The following ERMARD variants were observed in gnomAD, a reference collection of about 807,000 sequenced individuals.
ERMARD encodes the protein endoplasmic reticulum membrane-associated RNA degradation protein.
ERMARD carries 71 observed loss-of-function variants against 83.9 expected under a neutral mutation model. The ratio of observed to expected loss-of-function variants is 0.85; its 90% CI spans 0.70 to 1.03. ERMARD has a LOEUF of 1.03. Among genes scored for constraint, ERMARD ranks in the 50% least tolerant of loss-of-function variants. ERMARD has a pLI of 0.00. For synonymous variants in ERMARD, 284 were observed against 298.6 expected (o/e 0.95, Z 0.50); for missense variants, 838 against 810.9 (o/e 1.03, Z -0.41).
chr6:169,781,579 A>G lies in ERMARD; in HGVS notation c.*66A>G, dbSNP rs1794203479. On this transcript the variant is annotated 3_prime_UTR_variant, in exon 18 of 18. Coordinates refer to ENST00000366773, the MANE Select transcript of ERMARD (RefSeq NM_018341.3). ...AACAGCGTGTAAATTAAAAACCCAAAGACAGGGTGGAGTTGAGGGTCTGCT... is the reference window on the plus strand; with the variant it reads ...AACAGCGTGTAAATTAAAAACCCAAGGACAGGGTGGAGTTGAGGGTCTGCT... 2 of 1,445,798 alleles carry G rather than the reference A, an allele frequency of 1.4e-6. No individual in the cohort carries two copies. The highest frequency in any genetic ancestry group is 2.8e-5 in the South Asian group (2 of 70,816). 89.6% of individuals were successfully genotyped at this position (1,445,798 alleles called of 1,614,324 possible).
At chr6:169,780,405 T>A (rs1794072668) in intron 17 of ERMARD, among the ~76,000 whole-genome samples, 2 of 152,244 alleles carry the variant, frequency 1.3e-5, no homozygotes, top group South Asian at 4.1e-4. Context: ...TCCTTTTAGC[T>A]TCTCTTTAAG....
chr6:169,752,385 G>A lies in ERMARD; in HGVS notation c.6+722G>A, dbSNP rs530851088. 2.0e-5 allele frequency among the ~76,000 whole-genome samples: 3 copies of A among 152,322 alleles called. No individual in the cohort carries two copies. The East Asian group carries it at 5.8e-4, about 29-fold the overall frequency. On this transcript the variant is annotated intron_variant, in intron 1 of 17. Transcript: ENST00000366773. ...TTTTCCAAGGCAAGAGGTAGTCAGA[G>A]GCTGAGGAATGATTCAAATTTAAGT... is the stretch of plus-strand genomic sequence containing the variant.
chr6:169,751,698 C>G, intron 1 of ERMARD, 35 bp downstream of exon 1: 4 of 1,538,696 alleles, frequency 2.6e-6, no homozygotes, highest in South Asian at 1.2e-5. Context: ...CGATCCCGAG[C>G]TAGGCAGGGA....
At chr6:169,779,592 T>C (rs1024834504) in intron 17 of ERMARD, among the ~76,000 whole-genome samples, 22 of 152,146 alleles carry the variant, frequency 1.4e-4, no homozygotes, top group Non-Finnish European at 2.9e-4. Flanking sequence ...CCTCCCAGGC[T>C]CAGGTGATCT....
chr6:169,768,154 C>T lies in ERMARD; in HGVS notation c.1042C>T (p.Leu348Phe). The T allele has an allele frequency of 6.2e-7, 1 of 1,613,974 alleles. No individual in the cohort carries two copies. The highest frequency in any genetic ancestry group is 8.5e-7 in the Non-Finnish European group (1 of 1,179,898). ...TAAAATCAATCAGCTTCCTCTTTTC[C>T]TTGGAGAGCCTGCTATGGTAAGTAT... ...DGKINQLPLFLGEPAMEFLWD... is the reference protein window; with the variant it reads ...DGKINQLPLFFGEPAMEFLWD... The change falls in exon 11 of 18, where the codon CTT (leucine) becomes TTT (phenylalanine). Residue 348 changes from leucine (L) to phenylalanine (F), a missense_variant. Transcript: ENST00000366773.
Position 169,759,915 on chromosome 6 carries a change from C to T in ERMARD, c.683C>T (p.Thr228Ile), listed in dbSNP as rs756243360. 8 of 1,614,196 alleles carry T rather than the reference C, an allele frequency of 5.0e-6. No individual in the cohort carries two copies. Among genetic ancestry groups the T allele is most frequent in the South Asian group, 3.3e-5 (3 of 91,080 alleles). Residue 228 changes from threonine to isoleucine, a missense_variant, in exon 7 of 18, where the codon ACA becomes ATA. Coordinates refer to ENST00000366773, the MANE Select transcript of ERMARD (RefSeq NM_018341.3). ...AGTTACCTTCAAAACACTAAACTTACATTGGCACATCGCTCTTTCATATCT... is the reference window on the plus strand; with the variant it reads ...AGTTACCTTCAAAACACTAAACTTATATTGGCACATCGCTCTTTCATATCT... ...LKSYLQNTKL[T>I]LAHRSFISLT...
At chr6:169,765,914 T>TCCCCAAAA (rs1562333208) in intron 9 of ERMARD, among the ~76,000 whole-genome samples, 103 of 102,292 alleles carry the variant, frequency 1.0e-3, no homozygotes, top group African/African-American at 2.3e-3. Context: ...CTCACTGAAG[T>TCCCCAAAA]GATTTCGTCA....
chr6:169,761,291 A>G (rs1001220616), intron 8 of ERMARD, among the ~76,000 whole-genome samples: 20 of 152,332 alleles, frequency 1.3e-4, no homozygotes, highest in African/African-American at 4.8e-4. Context: ...ACCTCGGCTC[A>G]CTGCAGCCTT....
chr6:169,751,968 G>A, intron 1 of ERMARD: 1 of 431,822 alleles, frequency 2.3e-6, no homozygotes. Context: ...GTGGCGCGGG[G>A]GCGGAAAGCC....
intron 3 of ERMARD, among the ~76,000 whole-genome samples, chr6:169,756,060 G>C (rs1385025221): frequency 6.6e-6 from 1 of 152,202 alleles, no homozygotes; most frequent in African/African-American, 2.4e-5. Context: ...GGAGAAACAT[G>C]ATGGAGGTCA....
chr6:169,767,852 C>T (rs138663338), intron 10 of ERMARD: 2 of 521,286 alleles, frequency 3.8e-6, no homozygotes, highest in East Asian at 6.6e-5. Flanking sequence ...ATATACACAC[C>T]ACACATATTC....
At chr6:169,770,872 C>T (rs1020590924) in intron 12 of ERMARD, 4 of 151,714 alleles carry the variant, frequency 2.6e-5, no homozygotes, top group African/African-American at 9.7e-5. Flanking sequence ...GTATTTTCTC[C>T]ATTTATTTCA....
At chr6:169,751,384 C>T (rs1418857742), upstream of ERMARD, 1 of 1,614,090 alleles carries the variant, frequency 6.2e-7, no homozygotes, top group African/African-American at 1.3e-5. Context: ...TCCTAGGCGT[C>T]ACCGGAGCCT....
In ERMARD at chr6:169,768,151, T is replaced by C; in HGVS notation, c.1039T>C (p.Phe347Leu). 1 of 1,614,080 alleles carries C rather than the reference T, an allele frequency of 6.2e-7. No homozygotes were observed. Among genetic ancestry groups the C allele is most frequent in the Non-Finnish European group, 8.5e-7 (1 of 1,179,970 alleles). ...TGGTAAAATCAATCAGCTTCCTCTT[T>C]TCCTTGGAGAGCCTGCTATGGTAAG... ...NDGKINQLPL[F>L]LGEPAMEFLW... Residue 347 changes from phenylalanine (F) to leucine (L), a missense_variant, in exon 11 of 18, where the codon TTC becomes CTC. Coordinates refer to ENST00000366773, the MANE Select transcript of ERMARD (RefSeq NM_018341.3).
chr6:169,758,566 A>G (rs1053786630), intron 5 of ERMARD, among the ~76,000 whole-genome samples: 2 of 152,228 alleles, frequency 1.3e-5, no homozygotes, highest in Admixed American at 6.5e-5. Flanking sequence ...TCTGCTTATC[A>G]TATCATTGTC....
intron 12 of ERMARD, 63 bp downstream of exon 12, chr6:169,769,776 A>G: frequency 7.1e-7 from 1 of 1,406,204 alleles, no homozygotes; most frequent in Non-Finnish European, 9.5e-7. Context: ...AATATAGTTT[A>G]TTTTTCAAAT....
intron 9 of ERMARD, among the ~76,000 whole-genome samples, chr6:169,766,342 G>C (rs781724383): frequency 1.3e-5 from 2 of 152,248 alleles, no homozygotes; most frequent in Non-Finnish European, 2.9e-5. Flanking sequence ...TGTTGTATGA[G>C]CAGCGATTTG....
At chr6:169,778,824 C>T (rs1793882603) in intron 16 of ERMARD, among the ~76,000 whole-genome samples, 1 of 152,244 alleles carries the variant, frequency 6.6e-6, no homozygotes, top group African/African-American at 2.4e-5. Flanking sequence ...GAGAGTTCCT[C>T]CCTAGATGTC....
At chr6:169,769,839 C>A in intron 12 of ERMARD, 126 bp downstream of exon 12, 2 of 859,270 alleles carry the variant, frequency 2.3e-6, no homozygotes, top group Non-Finnish European at 3.4e-6. Context: ...TATCCTCCAT[C>A]AGAAAAAAAA....
Sources: allele counts gnomAD v4.1 joint callset (sites outside exome capture counted in the v4.1 genomes callset), GRCh38; gene constraint gnomAD v4.1.1; transcripts MANE v1.5; gene names NCBI Gene and HGNC (gene_info 2026-07-23, HGNC 2026-07-21).